Variants in MAGI1 observed in about 807,000 individuals in gnomAD.
MAGI1 encodes the protein membrane-associated guanylate kinase, WW and PDZ domain-containing protein 1.
A neutral mutation model predicts 139.9 loss-of-function variants in MAGI1; 58 were observed. That is an observed-to-expected ratio of 0.41 (90% CI 0.34 to 0.52). The LOEUF is 0.52. MAGI1 is among the 20% of genes least tolerant of loss of function. The pLI, the probability that MAGI1 is intolerant of heterozygous loss-of-function variation, is 0.12. For synonymous variants in MAGI1, 812 were observed against 737.9 expected (o/e 1.10, Z -1.63); for missense variants, 1,874 against 1,901.6 (o/e 0.99, Z 0.27).
chr3:65,694,624 C>T (rs939707889), intron 1 of MAGI1, among the ~76,000 whole-genome samples: 1 of 152,192 alleles, frequency 6.6e-6, no homozygotes, highest in Admixed American at 6.5e-5. Context: ...CTGGCTAAGC[C>T]TTCGGCTCAT....
chr3:65,983,509 G>A (rs1158719952), intron 1 of MAGI1, among the ~76,000 whole-genome samples: 1 of 152,180 alleles, frequency 6.6e-6, no homozygotes, highest in Non-Finnish European at 1.5e-5. Context: ...CAGACAATGA[G>A]ATTTAGATAG....
intron 2 of MAGI1, among the ~76,000 whole-genome samples, chr3:65,608,679 T>G (rs1398646838): frequency 6.6e-6 from 1 of 152,090 alleles, no homozygotes; most frequent in Admixed American, 6.5e-5. Flanking sequence ...TCTTACACGG[T>G]GTAGGTGTGA....
At chr3:65,870,727 A>C (rs552840878) in intron 1 of MAGI1, among the ~76,000 whole-genome samples, 6 of 151,764 alleles carry the variant, frequency 4.0e-5, no homozygotes, top group Admixed American at 2.0e-4. Flanking sequence ...AAAAAAAAAA[A>C]AAAGAAAGAA....
At chr3:65,799,908 A>G (rs1577165329) in intron 1 of MAGI1, among the ~76,000 whole-genome samples, 1 of 152,208 alleles carries the variant, frequency 6.6e-6, no homozygotes, top group East Asian at 1.9e-4. Flanking sequence ...GATGTCTGGA[A>G]GTTGAAAAAA....
intron 1 of MAGI1, among the ~76,000 whole-genome samples, chr3:66,017,898 A>C (rs2067739550): frequency 6.6e-6 from 1 of 151,924 alleles, no homozygotes; most frequent in Non-Finnish European, 1.5e-5. Flanking sequence ...AAACCATTAG[A>C]ATAGTTAAAC....
chr3:65,392,140 G>C (rs1169812567), intron 13 of MAGI1, among the ~76,000 whole-genome samples: 2 of 152,186 alleles, frequency 1.3e-5, no homozygotes, highest in African/African-American at 2.4e-5. Context: ...AAGGGGAAGA[G>C]TTCCATTTAA....
chr3:65,488,410 C>G (rs1951765340), intron 3 of MAGI1, among the ~76,000 whole-genome samples: 1 of 151,946 alleles, frequency 6.6e-6, no homozygotes, highest in African/African-American at 2.4e-5. Context: ...AATCTCAGCT[C>G]ACTGCAACAT....
At chr3:65,579,279 C>T (rs2081312932) in intron 2 of MAGI1, among the ~76,000 whole-genome samples, 3 of 152,118 alleles carry the variant, frequency 2.0e-5, no homozygotes, top group African/African-American at 7.2e-5. Flanking sequence ...GTGCAACCAT[C>T]TACCCAAGCT....
intron 2 of MAGI1, among the ~76,000 whole-genome samples, chr3:65,514,796 A>G (rs1157174357): frequency 6.8e-6 from 1 of 147,884 alleles, no homozygotes; most frequent in Non-Finnish European, 1.5e-5. Flanking sequence ...TGACCCAGCC[A>G]TCCCATTACT....
chr3:65,889,943 T>C (rs1383536397), intron 1 of MAGI1, among the ~76,000 whole-genome samples: 1 of 152,220 alleles, frequency 6.6e-6, no homozygotes, highest in Non-Finnish European at 1.5e-5. Context: ...GTGTTCCTTA[T>C]AAAAGCCAAA....
Position 65,383,464 on chromosome 3 carries a change from C to T in MAGI1, c.2508+68G>A, listed in dbSNP as rs546957087. On this transcript the variant is annotated intron_variant, in intron 15 of 22. Coordinates refer to ENST00000402939, the MANE Select transcript of MAGI1 (RefSeq NM_001033057.2). Reference sequence around the variant, plus strand: ...CTGGACTTAAATCTTGGTGATTTGTCACTGTCGCCAATTTGCTTTGAAGCC... The same window carrying T: ...CTGGACTTAAATCTTGGTGATTTGTTACTGTCGCCAATTTGCTTTGAAGCC... 1.2e-4 allele frequency: 137 copies of T among 1,148,978 alleles called. 1 individual carries two copies. In the South Asian group the frequency reaches 1.7e-3, roughly 14 times the overall value. The allele number at this position is 1,148,978 out of a possible 1,614,324, so 71.2% of individuals were successfully genotyped here.
At chr3:65,557,399 C>G (rs1334477526) in intron 2 of MAGI1, among the ~76,000 whole-genome samples, 2 of 152,208 alleles carry the variant, frequency 1.3e-5, no homozygotes, top group Admixed American at 6.5e-5. Context: ...TCAGCCCCAG[C>G]CATGCTTTCA....
intron 1 of MAGI1, among the ~76,000 whole-genome samples, chr3:65,784,169 T>C (rs951032264): frequency 4.6e-5 from 7 of 151,030 alleles, no homozygotes; most frequent in East Asian, 2.0e-4. Context: ...CACAGAGAAA[T>C]TGGAACCCTC....
intron 1 of MAGI1, among the ~76,000 whole-genome samples, chr3:65,862,313 G>A (rs1302430182): frequency 1.3e-5 from 2 of 152,072 alleles, no homozygotes; most frequent in East Asian, 3.9e-4. Flanking sequence ...TGGTTGATGT[G>A]TATTAAGTAT....
At chr3:65,937,498 A>G (rs2063121669) in intron 1 of MAGI1, among the ~76,000 whole-genome samples, 1 of 151,980 alleles carries the variant, frequency 6.6e-6, no homozygotes, top group South Asian at 2.1e-4. Context: ...AGGGGCTGAG[A>G]GCACTCCCCT....
chr3:65,729,270 T>C (rs2033953447), intron 1 of MAGI1, among the ~76,000 whole-genome samples: 1 of 152,168 alleles, frequency 6.6e-6, no homozygotes, highest in Non-Finnish European at 1.5e-5. Flanking sequence ...TAAGCATACG[T>C]TGAGGTTGCC....
chr3:65,447,739 C>T (rs2107467302), intron 7 of MAGI1, among the ~76,000 whole-genome samples: 1 of 152,284 alleles, frequency 6.6e-6, no homozygotes, highest in East Asian at 1.9e-4. Flanking sequence ...TTTCCCAATC[C>T]TCACTTTACA....
intron 1 of MAGI1, among the ~76,000 whole-genome samples, chr3:65,699,787 T>G (rs2089471932): frequency 1.4e-5 from 2 of 146,302 alleles, no homozygotes; most frequent in African/African-American, 5.1e-5. Flanking sequence ...AGATGACGAG[T>G]TAGTGGGTGC....
At chr3:65,930,109 G>A (rs2062726700) in intron 1 of MAGI1, among the ~76,000 whole-genome samples, 1 of 151,878 alleles carries the variant, frequency 6.6e-6, no homozygotes, top group Non-Finnish European at 1.5e-5. Context: ...CAGGTCAGGA[G>A]ATCGAGACCA....
Sources: gnomAD v4.1 joint callset for allele counts (sites outside exome capture counted in the v4.1 genomes callset) on GRCh38, gnomAD v4.1.1 for gene constraint, MANE v1.5 for transcripts, NCBI Gene and HGNC (gene_info 2026-07-23, HGNC 2026-07-21) for gene names.